The following SPIRE1 variants were observed in gnomAD, a reference collection of about 807,000 sequenced individuals.
SPIRE1 encodes the protein protein spire homolog 1.
Under a neutral mutation model 94.1 loss-of-function variants are expected in SPIRE1, and 40 were observed. That is an observed-to-expected ratio of 0.43 (90% confidence interval 0.33 to 0.55). The LOEUF (loss-of-function observed/expected upper bound fraction) is 0.55, where lower values mean the gene tolerates loss of function less well. SPIRE1 is among the 20% of genes least tolerant of loss of function. The pLI is 0.06. For synonymous variants in SPIRE1, 376 were observed against 371.7 expected (o/e 1.01, Z -0.13); for missense variants, 838 against 975.2 (o/e 0.86, Z 1.87).
At chr18:12,450,526 TAAG>T (rs547894107) in intron 16 of SPIRE1, 77 of 551,968 alleles carry the variant, frequency 1.4e-4, no homozygotes, top group African/African-American at 9.3e-4. Context: ...GAGAAGAACA[TAAG>T]AAGAAGAGCC....
intron 2 of SPIRE1, among the ~76,000 whole-genome samples, chr18:12,587,846 C>T (rs1413523291): frequency 1.3e-5 from 2 of 152,190 alleles, no homozygotes; most frequent in Non-Finnish European, 2.9e-5. Context: ...ATACAATCAC[C>T]ATACAATGCA....
chr18:12,538,985 T>A (rs1161173465), intron 3 of SPIRE1, among the ~76,000 whole-genome samples: 1 of 152,212 alleles, frequency 6.6e-6, no homozygotes, highest in Non-Finnish European at 1.5e-5. Flanking sequence ...GACTCCTAAC[T>A]TCCTCTCTCA....
chr18:12,566,888 C>T (rs9967267), intron 2 of SPIRE1, among the ~76,000 whole-genome samples: 136,645 of 152,176 alleles, frequency 0.9, 61,623 homozygotes, highest in Non-Finnish European at 0.95. Flanking sequence ...GAAAAAGATA[C>T]TATGAGAATA....
intron 9 of SPIRE1, among the ~76,000 whole-genome samples, chr18:12,484,514 G>A (rs1268997968): frequency 1.3e-5 from 2 of 152,188 alleles, no homozygotes; most frequent in Admixed American, 6.5e-5. Context: ...TTGGAAACTA[G>A]CTTTGTAGCT....
At chr18:12,614,677 G>T (rs1807881276) in intron 2 of SPIRE1, among the ~76,000 whole-genome samples, 1 of 151,774 alleles carries the variant, frequency 6.6e-6, no homozygotes, top group African/African-American at 2.4e-5. Context: ...AAGTAGCCGG[G>T]CACGGTCACG....
intron 2 of SPIRE1, among the ~76,000 whole-genome samples, chr18:12,632,395 G>A (rs7506835): frequency 0.88 from 133,609 of 152,092 alleles, 59,276 homozygotes; most frequent in Non-Finnish European, 0.95. Flanking sequence ...AACCTAAAAC[G>A]CAACAGAAAA....
chr18:12,497,726 C>T (rs2033509663), intron 6 of SPIRE1, among the ~76,000 whole-genome samples: 1 of 152,146 alleles, frequency 6.6e-6, no homozygotes, highest in Non-Finnish European at 1.5e-5. Flanking sequence ...TTGTGGATTT[C>T]ATATTATGTA....
intron 2 of SPIRE1, among the ~76,000 whole-genome samples, chr18:12,563,757 C>T (rs1040266627): frequency 2.6e-5 from 4 of 151,402 alleles, no homozygotes; most frequent in South Asian, 4.2e-4. Context: ...AACAAGATAC[C>T]GAAAAAGAAA....
chr18:12,552,429 T>C (rs2035378334), intron 2 of SPIRE1, among the ~76,000 whole-genome samples: 1 of 152,084 alleles, frequency 6.6e-6, no homozygotes, highest in Admixed American at 6.5e-5. Flanking sequence ...GACTATATCT[T>C]GCATATTGGA....
intron 9 of SPIRE1, among the ~76,000 whole-genome samples, chr18:12,481,927 C>A (rs755553793): frequency 1.3e-5 from 2 of 152,142 alleles, no homozygotes; most frequent in Non-Finnish European, 2.9e-5. Flanking sequence ...CAAACGCACA[C>A]ACCTTCCACC....
chr18:12,535,871 C>G (rs2034827095), intron 3 of SPIRE1, among the ~76,000 whole-genome samples: 1 of 152,182 alleles, frequency 6.6e-6, no homozygotes, highest in Admixed American at 6.5e-5. Flanking sequence ...AGGACAATCG[C>G]TTGAACCTGG....
chr18:12,552,492 T>C (rs1598463183), intron 2 of SPIRE1, among the ~76,000 whole-genome samples: 1 of 152,298 alleles, frequency 6.6e-6, no homozygotes, highest in East Asian at 1.9e-4. Flanking sequence ...ACCCCTCATA[T>C]TGTCTTATGC....
intron 6 of SPIRE1, among the ~76,000 whole-genome samples, chr18:12,502,153 G>A (rs573415999): frequency 4.7e-4 from 71 of 151,992 alleles, no homozygotes; most frequent in Non-Finnish European, 6.2e-4. Context: ...CAGCAACTTC[G>A]AAAGGAACCT....
At chr18:12,458,948 C>T (rs1191976807) in intron 12 of SPIRE1, among the ~76,000 whole-genome samples, 2 of 152,094 alleles carry the variant, frequency 1.3e-5, no homozygotes, top group East Asian at 1.9e-4. Flanking sequence ...AAACCAGCTG[C>T]GGGGTCATCT....
chr18:12,532,197 A>G (rs1043628648), intron 4 of SPIRE1, among the ~76,000 whole-genome samples: 2 of 152,242 alleles, frequency 1.3e-5, no homozygotes, highest in Admixed American at 6.5e-5. Context: ...AGGGATTAGA[A>G]TATAAACAAA....
At chr18:12,524,460 T>C (rs966812517) in intron 4 of SPIRE1, among the ~76,000 whole-genome samples, 1 of 152,212 alleles carries the variant, frequency 6.6e-6, no homozygotes, top group African/African-American at 2.4e-5. Flanking sequence ...TTAAACAGCA[T>C]AGCTATTTAT....
chr18:12,543,070 C>T (rs569038479), intron 3 of SPIRE1, among the ~76,000 whole-genome samples: 25 of 152,186 alleles, frequency 1.6e-4, no homozygotes, highest in Admixed American at 1.5e-3. Context: ...TCAAATGATC[C>T]GCCCGTCTCG....
rs1023218587 is a variant in SPIRE1 at position 12,605,533 on chromosome 18, A to C, written c.372+29529T>G. On this transcript the variant is annotated intron_variant, in intron 2 of 16. Coordinates refer to ENST00000409402, the MANE Select transcript of SPIRE1 (RefSeq NM_001128626.2). ...AAAATAAAAAATTAAAATAAAATAAAGAAATTCTTTTCACCTTACTTATTT... is the reference window on the plus strand; with the variant it reads ...AAAATAAAAAATTAAAATAAAATAACGAAATTCTTTTCACCTTACTTATTT... Among the ~76,000 whole-genome samples, 6 of 152,264 alleles carry C rather than the reference A, an allele frequency of 3.9e-5. No individual in the cohort carries two copies. The East Asian group carries it at 1.2e-3, about 29-fold the overall frequency.
chr18:12,490,064 G>A (rs771025972), intron 8 of SPIRE1, among the ~76,000 whole-genome samples: 4 of 152,122 alleles, frequency 2.6e-5, no homozygotes, highest in Admixed American at 2.6e-4. Context: ...TAGAAAAAAT[G>A]ACCAAAATCC....
Sources: gnomAD v4.1 joint callset for allele counts (sites outside exome capture counted in the v4.1 genomes callset) on GRCh38, gnomAD v4.1.1 for gene constraint, MANE v1.5 for transcripts, NCBI Gene and HGNC (gene_info 2026-07-23, HGNC 2026-07-21) for gene names.